The following LRMDA variants were observed in gnomAD, a reference collection of about 807,000 sequenced individuals.
LRMDA encodes the protein leucine-rich melanocyte differentiation-associated protein.
LRMDA carries 18 observed loss-of-function variants against 29.8 expected under a neutral mutation model. The ratio of observed to expected loss-of-function variants is 0.60; its 90% CI spans 0.42 to 0.90. The LOEUF is 0.90. LRMDA is among the 40% of genes least tolerant of loss of function. The pLI is 0.00. For synonymous variants in LRMDA, 125 were observed against 109.4 expected (o/e 1.14, Z -0.89); for missense variants, 273 against 273.9 (o/e 1.00, Z 0.02).
At chr10:75,580,672 T>C (rs529604175) in intron 2 of LRMDA, among the ~76,000 whole-genome samples, 2 of 152,232 alleles carry the variant, frequency 1.3e-5, no homozygotes, top group South Asian at 4.1e-4. Context: ...CAAACTATAC[T>C]ACAAGGCTAC....
rs192425676 is a variant in LRMDA at position 76,269,809 on chromosome 10, G to T, written c.517-54592G>T. Among the ~76,000 whole-genome samples, 6 of 152,252 alleles carry T rather than the reference G, an allele frequency of 3.9e-5. No individual in the cohort carries two copies. The East Asian group carries it at 1.2e-3, about 29-fold the overall frequency. On this transcript the variant is annotated intron_variant, in intron 5 of 6. Transcript: ENST00000611255. ...GCCTTTTTGTAAACCTGCTTATAAA[G>T]GTGGAAATAAGTTCAGAGAGGTTAA... is the stretch of plus-strand genomic sequence containing the variant.
chr10:75,847,406 T>G (rs1844657236), intron 2 of LRMDA, among the ~76,000 whole-genome samples: 1 of 92,796 alleles, frequency 1.1e-5, no homozygotes, highest in South Asian at 5.1e-4. Context: ...ACTATAAAAC[T>G]CTTAGAAGGA....
intron 2 of LRMDA, among the ~76,000 whole-genome samples, chr10:75,560,677 A>C (rs932574623): frequency 1.3e-5 from 2 of 150,078 alleles, no homozygotes; most frequent in African/African-American, 4.8e-5. Context: ...GGTTTGTCAT[A>C]GATAGCTCTT....
chr10:75,490,095 T>C (rs1291396580), intron 2 of LRMDA, among the ~76,000 whole-genome samples: 1 of 152,186 alleles, frequency 6.6e-6, no homozygotes, highest in Admixed American at 6.5e-5. Context: ...TGTAAGGCAC[T>C]GTTTATTATC....
rs937687700 is a variant in LRMDA at position 76,004,751 on chromosome 10, G to A, written c.132-31257G>A. Among the ~76,000 whole-genome samples, 4 of 142,928 alleles carry A rather than the reference G, an allele frequency of 2.8e-5. No individual in the cohort carries two copies. In the East Asian group the frequency reaches 6.1e-4, roughly 22 times the overall value. 93.8% of individuals were successfully genotyped at this position (142,928 alleles called of 152,430 possible). A position where few individuals can be genotyped will look rare whatever the true frequency, so the allele number is the denominator to read the frequency against. ...ATTTTTTTTTTTTTTTTTTTGAGAC[G>A]GAGTCTCACTCTGTGGCCCAGGCTA... On this transcript the variant is annotated intron_variant, in intron 2 of 6. Transcript: ENST00000611255.
At chr10:75,836,061 T>C (rs992444169) in intron 2 of LRMDA, among the ~76,000 whole-genome samples, 1 of 152,126 alleles carries the variant, frequency 6.6e-6, no homozygotes, top group African/African-American at 2.4e-5. Context: ...TCTCTTAGTG[T>C]AGGGGTTCAG....
At chr10:76,076,136 G>C (rs1017899274) in intron 5 of LRMDA, among the ~76,000 whole-genome samples, 24 of 152,024 alleles carry the variant, frequency 1.6e-4, no homozygotes, top group Non-Finnish European at 1.2e-4. Flanking sequence ...GAGGTCGGGA[G>C]ATCAAGACCA....
intron 2 of LRMDA, among the ~76,000 whole-genome samples, chr10:75,880,333 T>C (rs1845273360): frequency 6.6e-6 from 1 of 152,218 alleles, no homozygotes; most frequent in Non-Finnish European, 1.5e-5. Context: ...AAGGAGGTGA[T>C]ATGTTATAAG....
At chr10:76,316,103 G>A (rs1472250840) in intron 5 of LRMDA, among the ~76,000 whole-genome samples, 1 of 152,196 alleles carries the variant, frequency 6.6e-6, no homozygotes, top group Non-Finnish European at 1.5e-5. Context: ...AAACAGGGCT[G>A]AAACACGCCT....
intron 2 of LRMDA, among the ~76,000 whole-genome samples, chr10:75,715,039 G>A (rs1161436454): frequency 2.0e-5 from 3 of 152,058 alleles, no homozygotes; most frequent in African/African-American, 4.8e-5. Flanking sequence ...TTCACATCCC[G>A]TTTGTCAGCG....
chr10:76,110,798 C>T (rs1218715688), intron 5 of LRMDA, among the ~76,000 whole-genome samples: 1 of 152,162 alleles, frequency 6.6e-6, no homozygotes, highest in East Asian at 1.9e-4. Context: ...AATTAAATCT[C>T]TTTTTCTTCC....
At chr10:75,625,583 T>C (rs1240473858) in intron 2 of LRMDA, among the ~76,000 whole-genome samples, 1 of 152,216 alleles carries the variant, frequency 6.6e-6, no homozygotes, top group African/African-American at 2.4e-5. Context: ...TGAAAATATC[T>C]AGTTATTTAT....
intron 5 of LRMDA, among the ~76,000 whole-genome samples, chr10:76,272,344 A>G (rs1840078436): frequency 6.6e-6 from 1 of 152,142 alleles, no homozygotes. Context: ...CACAGTTCTC[A>G]TTCAAGAGCT....
chr10:76,428,846 A>G (rs139818371), intron 6 of LRMDA, among the ~76,000 whole-genome samples: 100 of 152,332 alleles, frequency 6.6e-4, no homozygotes, highest in African/African-American at 2.3e-3. Flanking sequence ...AGCAAGAGAA[A>G]GAAAGGGGAA....
intron 5 of LRMDA, among the ~76,000 whole-genome samples, chr10:76,149,498 T>C (rs528696354): frequency 3.7e-4 from 56 of 152,342 alleles, no homozygotes; most frequent in African/African-American, 1.3e-3. Flanking sequence ...ATTTAGTAAA[T>C]CATAATCATC....
intron 2 of LRMDA, among the ~76,000 whole-genome samples, chr10:75,721,210 A>T (rs1447456567): frequency 2.6e-5 from 4 of 152,152 alleles, no homozygotes; most frequent in Admixed American, 2.6e-4. Flanking sequence ...GGGAATTGTC[A>T]TCTAGTGCCC....
intron 2 of LRMDA, among the ~76,000 whole-genome samples, chr10:75,509,037 C>T (rs1379187417): frequency 6.6e-6 from 1 of 152,202 alleles, no homozygotes; most frequent in Non-Finnish European, 1.5e-5. Flanking sequence ...CTTTCCTTTT[C>T]TCTTTGTTTC....
chr10:75,516,321 A>G (rs1364677561), intron 2 of LRMDA, among the ~76,000 whole-genome samples: 1 of 152,216 alleles, frequency 6.6e-6, no homozygotes, highest in East Asian at 1.9e-4. Context: ...ACTCCCACCA[A>G]CAGTGTGAAA....
At chr10:75,628,957 A>G (rs939067693) in intron 2 of LRMDA, among the ~76,000 whole-genome samples, 4 of 152,248 alleles carry the variant, frequency 2.6e-5, no homozygotes, top group African/African-American at 9.6e-5. Context: ...ATGGACCCCA[A>G]GATGGGTTAA....
Sources: gnomAD v4.1 joint callset for allele counts (sites outside exome capture counted in the v4.1 genomes callset) on GRCh38, gnomAD v4.1.1 for gene constraint, MANE v1.5 for transcripts, NCBI Gene and HGNC (gene_info 2026-07-23, HGNC 2026-07-21) for gene names.